The following SNAP29 variants were observed in gnomAD, a reference collection of about 807,000 sequenced individuals.
The protein encoded by SNAP29 is synaptosome associated protein 29.
A neutral mutation model predicts 27.9 loss-of-function variants in SNAP29; 13 were observed. That is an observed-to-expected ratio of 0.47 (90% CI 0.30 to 0.74). The LOEUF (loss-of-function observed/expected upper bound fraction) is 0.74, where lower values mean the gene tolerates loss of function less well. SNAP29 is among the 30% of genes least tolerant of loss of function. The pLI is 0.06. For missense variants in SNAP29, 368 were observed against 336.5 expected, an observed-to-expected ratio of 1.09 and a Z score of -0.73; for synonymous variants, 119 against 127.1, an observed-to-expected ratio of 0.94 and a Z score of 0.43.
chr22:20,875,103 C>CT (rs1928708132), intron 2 of SNAP29, among the ~76,000 whole-genome samples: 1 of 152,060 alleles, frequency 6.6e-6, no homozygotes, highest in East Asian at 1.9e-4. Flanking sequence ...GGGCAGTTTT[C>CT]TTTTTTTGGA....
At chr22:20,880,170 G>A (rs990599020) in intron 2 of SNAP29, among the ~76,000 whole-genome samples, 8 of 152,064 alleles carry the variant, frequency 5.3e-5, no homozygotes, top group Non-Finnish European at 8.8e-5. Context: ...TATAAAAACA[G>A]GTGAAATTTT....
At position 20,859,192 on chromosome 22, in the gene SNAP29, G is replaced by T. The variant is rs1442634910; in HGVS notation, c.82G>T (p.Ala28Ser). 9.4e-6 allele frequency: 15 copies of T among 1,602,750 alleles called. No individual in the cohort carries two copies. The highest frequency in any genetic ancestry group is 2.2e-5 in the East Asian group (1 of 44,544). The change falls in exon 1 of 5, where the codon GCC becomes TCC. Residue 28 changes from alanine to serine, a missense_variant. Transcript: ENST00000215730. ...CGCCCGGCCGGCCCCTTGGAGGGACGCCCGAGACCTCCCCGACGGGCCCGA... is the reference window on the plus strand; with the variant it reads ...CGCCCGGCCGGCCCCTTGGAGGGACTCCCGAGACCTCCCCGACGGGCCCGA... Reference protein sequence around the residue: ...EGARPAPWRDARDLPDGPDAP... With the variant: ...EGARPAPWRDSRDLPDGPDAP...
rs139041915 is a variant in SNAP29, at chr22:20,883,356, A to T, written c.521-115A>T. On this transcript the variant is annotated intron_variant, in intron 3 of 4. Coordinates refer to ENST00000215730, the MANE Select transcript of SNAP29 (RefSeq NM_004782.4). ...CCTCATCCCTCTGGATAGCCTCAGA[A>T]CCAACCCCTTCGTTCCTTCCACCCA... The T allele has an allele frequency of 5.5e-3, 4,051 of 738,766 alleles. 72 individuals are homozygous for T. The highest frequency in any genetic ancestry group is 0.029 in the South Asian group (2,129 of 72,842). 45.8% of individuals were successfully genotyped at this position (738,766 alleles called of 1,614,324 possible).
chr22:20,868,620 A>AC (rs1250374228), intron 1 of SNAP29, among the ~76,000 whole-genome samples: 1 of 151,956 alleles, frequency 6.6e-6, no homozygotes, highest in Non-Finnish European at 1.5e-5. Context: ...ATATCTAAAA[A>AC]ACATTTGCAT....
At chr22:20,873,996 C>G (rs1168494116) in intron 2 of SNAP29, among the ~76,000 whole-genome samples, 1 of 116,320 alleles carries the variant, frequency 8.6e-6, no homozygotes, top group Non-Finnish European at 1.8e-5. Flanking sequence ...AAAAAAAAGG[C>G]CGGGCATGGT....
In SNAP29 at chr22:20,883,458, C is replaced by T; in HGVS notation, c.521-13C>T. The T allele has an allele frequency of 1.3e-6, 2 of 1,563,144 alleles. No individual in the cohort carries two copies. The highest frequency in any genetic ancestry group is 1.8e-6 in the Non-Finnish European group (2 of 1,133,990). ...CAATTAACCGCTCTCCTGGTGTTTC[C>T]TTCTAAACTTAGACCCTGTCCCCAG... On this transcript the variant is annotated splice_polypyrimidine_tract_variant and intron_variant, in intron 3 of 4. Transcript: ENST00000215730.
At chr22:20,883,714 C>T in intron 4 of SNAP29, 145 bp downstream of exon 4, 1 of 707,790 alleles carries the variant, frequency 1.4e-6, no homozygotes, top group East Asian at 2.6e-5. Context: ...ATCTTGCCAC[C>T]TCACTGTCTC....
rs1928870507 is a variant in SNAP29 at position 20,880,710 on chromosome 22, T to C, written c.435-339T>C. Among the ~76,000 whole-genome samples the C allele has an allele frequency of 3.9e-5, 6 of 152,254 alleles. No homozygotes were observed. In the South Asian group the frequency reaches 1.2e-3, roughly 32 times the overall value. Reference sequence around the variant, plus strand: ...TACACTGCTTTTTTTTTCTTTTTTTTCAGTAAAGACAAGGTCTCATTATGT... The same window carrying C: ...TACACTGCTTTTTTTTTCTTTTTTTCCAGTAAAGACAAGGTCTCATTATGT... On this transcript the variant is annotated intron_variant, in intron 2 of 4. Coordinates refer to ENST00000215730, the MANE Select transcript of SNAP29 (RefSeq NM_004782.4).
rs575240461 is a variant in SNAP29, at chr22:20,888,311, T to TCACACACACA, written c.*511_*520dup. 427 of 174,566 alleles carry TCACACACACA rather than the reference T, an allele frequency of 2.4e-3. 3 individuals are homozygous for TCACACACACA. The highest frequency in any genetic ancestry group is 0.011 in the African/African-American group (324 of 29,762). 10.8% of individuals were successfully genotyped at this position (174,566 alleles called of 1,614,324 possible). ...CACACCTTTGTTTAGGAGTCATCAT[T>TCACACACACA]CACACACACACACACACACACACAC... On this transcript the variant is annotated 3_prime_UTR_variant, in exon 5 of 5. Transcript: ENST00000215730.
intron 1 of SNAP29, among the ~76,000 whole-genome samples, chr22:20,868,730 C>T (rs949440582): frequency 6.6e-6 from 1 of 152,178 alleles, no homozygotes; most frequent in South Asian, 2.1e-4. Context: ...AAATGAAGCT[C>T]GAGAGCCTTC....
chr22:20,872,010 A>C (rs536770976), intron 2 of SNAP29, among the ~76,000 whole-genome samples: 1 of 152,202 alleles, frequency 6.6e-6, no homozygotes, highest in Non-Finnish European at 1.5e-5. Flanking sequence ...TTTTTATTAC[A>C]AAAACAACAT....
intron 2 of SNAP29, among the ~76,000 whole-genome samples, chr22:20,875,826 T>C (rs1212977468): frequency 1.3e-5 from 2 of 151,666 alleles, no homozygotes; most frequent in South Asian, 2.1e-4. Context: ...GGCATGGTGA[T>C]ACAGGCCTGT....
At chr22:20,875,898 C>G (rs571930126) in intron 2 of SNAP29, among the ~76,000 whole-genome samples, 5 of 151,806 alleles carry the variant, frequency 3.3e-5, no homozygotes, top group African/African-American at 1.2e-4. Context: ...CAGTGGCTCA[C>G]GCCTGTAATC....
chr22:20,870,595 C>T (rs778924024), intron 2 of SNAP29, 62 bp downstream of exon 2: 1 of 1,475,778 alleles, frequency 6.8e-7, no homozygotes, highest in Non-Finnish European at 9.4e-7. Flanking sequence ...TGCAAATGAC[C>T]AAGACTTTCA....
At chr22:20,879,726 C>A (rs1449948721) in intron 2 of SNAP29, among the ~76,000 whole-genome samples, 2 of 150,958 alleles carry the variant, frequency 1.3e-5, no homozygotes, top group African/African-American at 2.4e-5. Flanking sequence ...GCCTGTAATC[C>A]CAGCTACTCA....
At chr22:20,870,158 G>A (rs1381687632) in intron 1 of SNAP29, among the ~76,000 whole-genome samples, 179 bp from the exon 2 acceptor site, 1 of 152,138 alleles carries the variant, frequency 6.6e-6, no homozygotes, top group Non-Finnish European at 1.5e-5. Flanking sequence ...AGGTAGGGCA[G>A]GGAGGGAGAG....
At chr22:20,880,308 G>A (rs1928860258) in intron 2 of SNAP29, among the ~76,000 whole-genome samples, 1 of 152,004 alleles carries the variant, frequency 6.6e-6, no homozygotes, top group Non-Finnish European at 1.5e-5. Flanking sequence ...GACCAGCCTG[G>A]CCAACATGGT....
At position 20,888,430 on chromosome 22, in the gene SNAP29, C is replaced by T; in HGVS notation, c.*594C>T. The T allele has an allele frequency of 1.2e-5, 2 of 167,668 alleles. No homozygotes were observed. Among genetic ancestry groups the T allele is most frequent in the East Asian group, 1.7e-4 (1 of 5,938 alleles). The allele number at this position is 167,668 out of a possible 1,614,324, so 10.4% of individuals were successfully genotyped here. ...GTGTTAGAATGGGAAATAGAGTGTG[C>T]CATCTTGCTCTTTTGTTGGCAGATG... On this transcript the variant is annotated 3_prime_UTR_variant, in exon 5 of 5. Coordinates refer to ENST00000215730, the MANE Select transcript of SNAP29 (RefSeq NM_004782.4).
chr22:20,882,356 C>T (rs1163945924), intron 3 of SNAP29, among the ~76,000 whole-genome samples: 3 of 151,894 alleles, frequency 2.0e-5, no homozygotes, highest in African/African-American at 7.3e-5. Flanking sequence ...AAGTGATAGG[C>T]CCAGAAACAT....
Sources: allele counts gnomAD v4.1 joint callset (sites outside exome capture counted in the v4.1 genomes callset), GRCh38; gene constraint gnomAD v4.1.1; transcripts MANE v1.5; gene names NCBI Gene and HGNC (gene_info 2026-07-23, HGNC 2026-07-21).